The following GLT1D1 variants were observed in gnomAD, a reference collection of about 807,000 sequenced individuals.
GLT1D1 encodes glycosyltransferase 1 domain-containing protein 1.
In GLT1D1, 21 loss-of-function variants were observed where a neutral mutation model predicts 28.7. The observed-to-expected ratio is 0.73, with a 90% CI of 0.52 to 1.05. The LOEUF is 1.05. GLT1D1 is among the 50% of genes least tolerant of loss of function. The pLI, the probability that GLT1D1 is intolerant of heterozygous loss-of-function variation, is 0.00. For synonymous variants in GLT1D1, 147 were observed against 124.8 expected (o/e 1.18, Z -1.19); for missense variants, 343 against 330.6 (o/e 1.04, Z -0.29).
chr12:128,899,151 C>T (rs895212139), intron 3 of GLT1D1, 85 bp from the exon 4 acceptor site: 5 of 969,646 alleles, frequency 5.2e-6, no homozygotes, highest in East Asian at 2.4e-5. Context: ...CGTTGTCTCT[C>T]ATAATTTGTT....
intron 4 of GLT1D1, among the ~76,000 whole-genome samples, chr12:128,906,131 T>G (rs150268338): frequency 2.8e-4 from 43 of 152,276 alleles, no homozygotes; most frequent in African/African-American, 1.0e-3. Context: ...TGAGCGTCTG[T>G]GCTGGCCAGT....
chr12:128,881,509 G>A (rs1431642305), intron 2 of GLT1D1, among the ~76,000 whole-genome samples: 100 of 110,666 alleles, frequency 9.0e-4, no homozygotes, highest in Non-Finnish European at 1.6e-3. Context: ...ACTCCAGTCC[G>A]GGCAACAGAG....
Position 128,942,735 on chromosome 12 carries a change from G to GTTTTTTTTTTTTTTTTTTTTTTTTTTTTT in GLT1D1, c.376-2588_376-2587insTTTTTTTTTTTTTTTTTTTTTTTTTTTTT, listed in dbSNP as rs1397894974. Reference sequence around the variant, plus strand: ...ATCACTTTAGATTCCAATTTTCTTTGTTTGTTTGTTTTTGTTTTTTGTTTT... The same window carrying GTTTTTTTTTTTTTTTTTTTTTTTTTTTTT: ...ATCACTTTAGATTCCAATTTTCTTTGTTTTTTTTTTTTTTTTTTTTTTTTTTTTTTTTGTTTGTTTTTGTTTTTTGTTTT... On this transcript the variant is annotated intron_variant, in intron 4 of 7. Coordinates refer to ENST00000281703, the MANE Select transcript of GLT1D1 (RefSeq NM_144669.3). 1.2e-4 allele frequency among the ~76,000 whole-genome samples: 11 copies of GTTTTTTTTTTTTTTTTTTTTTTTTTTTTT among 89,572 alleles called. 2 individuals carry two copies. Among genetic ancestry groups the GTTTTTTTTTTTTTTTTTTTTTTTTTTTTT allele is most frequent in the African/African-American group, 4.7e-4 (11 of 23,174 alleles). The allele number at this position is 89,572 out of a possible 152,430, so 58.8% of individuals were successfully genotyped here.
At chr12:128,972,261 C>T (rs879691768) in intron 7 of GLT1D1, among the ~76,000 whole-genome samples, 3 of 152,246 alleles carry the variant, frequency 2.0e-5, no homozygotes, top group Non-Finnish European at 2.9e-5. Context: ...CTGTGACCAC[C>T]GCCCATGCGG....
chr12:128,917,834 G>A (rs1489485112), intron 4 of GLT1D1, among the ~76,000 whole-genome samples: 1 of 152,298 alleles, frequency 6.6e-6, no homozygotes, highest in South Asian at 2.1e-4. Flanking sequence ...AGATGCTGGC[G>A]AGCTTGTGGA....
intron 4 of GLT1D1, among the ~76,000 whole-genome samples, chr12:128,930,998 CTTT>C (rs1237645570): frequency 1.4e-5 from 2 of 145,528 alleles, no homozygotes; most frequent in African/African-American, 5.1e-5. Context: ...TTCTACCACC[CTTT>C]TTTTTTTTTT....
chr12:128,937,840 G>A (rs1266005746), intron 4 of GLT1D1, among the ~76,000 whole-genome samples: 1 of 152,156 alleles, frequency 6.6e-6, no homozygotes, highest in Non-Finnish European at 1.5e-5. Flanking sequence ...CACCATGATT[G>A]TAAGTTTCCA....
chr12:128,877,852 T>C (rs1956910865), intron 2 of GLT1D1, among the ~76,000 whole-genome samples: 1 of 152,206 alleles, frequency 6.6e-6, no homozygotes, highest in Non-Finnish European at 1.5e-5. Context: ...GGGTTTCCCA[T>C]GAGGCTGCAG....
chr12:128,923,574 G>A (rs890213512), intron 4 of GLT1D1, among the ~76,000 whole-genome samples: 3 of 151,408 alleles, frequency 2.0e-5, no homozygotes, highest in African/African-American at 7.3e-5. Context: ...CAGGCTGGGA[G>A]TGCAGTGCAC....
Position 128,877,192 on chromosome 12 carries a change from A to T in GLT1D1, c.217+1130A>T, listed in dbSNP as rs150180786. Among the ~76,000 whole-genome samples the T allele has an allele frequency of 1.6e-3, 249 of 152,298 alleles. 1 individual carries two copies. The highest frequency in any genetic ancestry group is 5.4e-3 in the African/African-American group (225 of 41,570). ...CAGCCACCAAATAAAGGCAAGACAG[A>T]TATTTTTGTTATTGTCTGGCCTGAG... is the stretch of plus-strand genomic sequence containing the variant. On this transcript the variant is annotated intron_variant, in intron 2 of 7. Coordinates refer to ENST00000281703, the MANE Select transcript of GLT1D1 (RefSeq NM_144669.3).
intron 4 of GLT1D1, among the ~76,000 whole-genome samples, chr12:128,928,022 A>C (rs1873449469): frequency 1.3e-5 from 2 of 150,316 alleles, no homozygotes; most frequent in African/African-American, 2.5e-5. Context: ...AAAAAAAAAA[A>C]AAACAAAAAA....
chr12:128,912,781 G>GC (rs954409507), intron 4 of GLT1D1, among the ~76,000 whole-genome samples: 4 of 151,776 alleles, frequency 2.6e-5, no homozygotes, highest in East Asian at 1.9e-4. Context: ...TCTAGCCTCA[G>GC]CCCCCCCAGT....
At chr12:128,917,696 A>C (rs1178846370) in intron 4 of GLT1D1, among the ~76,000 whole-genome samples, 1 of 152,228 alleles carries the variant, frequency 6.6e-6, no homozygotes. Flanking sequence ...GAAGACATAC[A>C]TGCAGCCAAA....
rs764639021 is a variant in GLT1D1 at position 128,983,226 on chromosome 12, G to A, written c.*136G>A. On this transcript the variant is annotated 3_prime_UTR_variant, in exon 8 of 8. Coordinates refer to ENST00000281703, the MANE Select transcript of GLT1D1 (RefSeq NM_144669.3). This position sits in a 1 kb window ranked among gnomAD's most constrained non-coding sequence, Gnocchi z 4.7. Reference sequence around the variant, plus strand: ...AGCGGAATCCTAGAAAATGTTAGTCGTGAGTCCCCAGAGCCACTGCATTCA... The same window carrying A: ...AGCGGAATCCTAGAAAATGTTAGTCATGAGTCCCCAGAGCCACTGCATTCA... 3.7e-5 allele frequency: 28 copies of A among 749,488 alleles called. No individual in the cohort carries two copies. The highest frequency in any genetic ancestry group is 5.5e-5 in the Non-Finnish European group (25 of 456,700). 46.4% of individuals were successfully genotyped at this position (749,488 alleles called of 1,614,324 possible). A position where few individuals can be genotyped will look rare whatever the true frequency, so the allele number is the denominator to read the frequency against.
At chr12:128,929,427 G>A (rs779762042) in intron 4 of GLT1D1, among the ~76,000 whole-genome samples, 5 of 152,158 alleles carry the variant, frequency 3.3e-5, no homozygotes, top group East Asian at 1.9e-4. Flanking sequence ...TGATGACTCC[G>A]TTTCTTCAGG....
chr12:128,880,134 A>T (rs1340184117), intron 2 of GLT1D1, among the ~76,000 whole-genome samples: 1 of 152,196 alleles, frequency 6.6e-6, no homozygotes, highest in East Asian at 1.9e-4. Context: ...CTACTAACAG[A>T]TGGGCAAGGA....
In GLT1D1 at chr12:128,982,104, G is replaced by T. The variant is rs539956662; in HGVS notation, c.640-825G>T. Among the ~76,000 whole-genome samples, 8 of 152,238 alleles carry T rather than the reference G, an allele frequency of 5.3e-5. No individual in the cohort carries two copies. In the East Asian group the frequency reaches 1.5e-3, roughly 29 times the overall value. ...GCACTCTTTCATTGCTGCACCAAGGGTCTGCAAGCCTTCTTCAGTAATGAG... is the reference window on the plus strand; with the variant it reads ...GCACTCTTTCATTGCTGCACCAAGGTTCTGCAAGCCTTCTTCAGTAATGAG... On this transcript the variant is annotated intron_variant, in intron 7 of 7. Coordinates refer to ENST00000281703, the MANE Select transcript of GLT1D1 (RefSeq NM_144669.3).
chr12:128,930,899 T>C (rs1035201220), intron 4 of GLT1D1, among the ~76,000 whole-genome samples: 2 of 152,142 alleles, frequency 1.3e-5, no homozygotes, highest in Admixed American at 1.3e-4. Flanking sequence ...TAAGTAATAG[T>C]CTTTTAGGAG....
intron 1 of GLT1D1, among the ~76,000 whole-genome samples, chr12:128,854,892 A>G (rs1278825446): frequency 6.6e-6 from 1 of 152,164 alleles, no homozygotes; most frequent in Non-Finnish European, 1.5e-5. Context: ...AATGACCAAG[A>G]GAGGATCCAT....
Sources: allele counts gnomAD v4.1 joint callset (sites outside exome capture counted in the v4.1 genomes callset), GRCh38; gene constraint gnomAD v4.1.1; non-coding constraint Gnocchi (gnomAD v3.1); transcripts MANE v1.5; gene names NCBI Gene and HGNC (gene_info 2026-07-23, HGNC 2026-07-21).